Variants in STAU2 observed in about 807,000 individuals in gnomAD.
The protein encoded by STAU2 is staufen double-stranded RNA binding protein 2.
A neutral mutation model predicts 65.9 loss-of-function variants in STAU2; 20 were observed. The ratio of observed to expected loss-of-function variants is 0.30; its 90% CI spans 0.21 to 0.44. The LOEUF (loss-of-function observed/expected upper bound fraction) is 0.44, where lower values mean the gene tolerates loss of function less well. Ranked by LOEUF, STAU2 falls within the 20% of genes least tolerant of loss-of-function variation. The probability of loss-of-function intolerance (pLI) is 1.00; values close to 1 mark genes in which losing one functional copy is unlikely to be tolerated. For missense variants in STAU2, 558 were observed against 683.9 expected (o/e 0.82, Z 2.05); for synonymous variants, 232 against 233.9 (o/e 0.99, Z 0.07).
At chr8:73,714,426 T>C (rs1350608030) in intron 3 of STAU2, among the ~76,000 whole-genome samples, 2 of 152,174 alleles carry the variant, frequency 1.3e-5, no homozygotes, top group Non-Finnish European at 2.9e-5. Context: ...CATAAGGCTG[T>C]CCAAGCAAAA....
chr8:73,438,344 GA>G (rs1339826743), intron 13 of STAU2, among the ~76,000 whole-genome samples: 1 of 152,216 alleles, frequency 6.6e-6, no homozygotes, highest in Non-Finnish European at 1.5e-5. Context: ...GACGGCAGTG[GA>G]ACCAGACAGC....
intron 6 of STAU2, among the ~76,000 whole-genome samples, chr8:73,666,635 A>C (rs1247235187): frequency 6.6e-6 from 1 of 152,238 alleles, no homozygotes; most frequent in Admixed American, 6.5e-5. Flanking sequence ...AGATTGGGCC[A>C]AGAACTGGAT....
chr8:73,565,881 A>G (rs191329513), intron 12 of STAU2, among the ~76,000 whole-genome samples: 246 of 152,340 alleles, frequency 1.6e-3, no homozygotes, highest in African/African-American at 5.7e-3. Context: ...TGATTTCGTT[A>G]TATGTCATTT....
chr8:73,571,463 C>A (rs147909825), intron 12 of STAU2, among the ~76,000 whole-genome samples: 1 of 152,180 alleles, frequency 6.6e-6, no homozygotes, highest in African/African-American at 2.4e-5. Flanking sequence ...AGCACCACAT[C>A]GCACTTATTC....
At chr8:73,721,286 C>A (rs1203697582) in intron 3 of STAU2, among the ~76,000 whole-genome samples, 5 of 57,434 alleles carry the variant, frequency 8.7e-5, no homozygotes, top group East Asian at 8.2e-4. Context: ...AACCCCACCT[C>A]CAAAAAAAAA....
chr8:73,635,908 C>CCACACA (rs756554962), intron 6 of STAU2, among the ~76,000 whole-genome samples: 28 of 74,940 alleles, frequency 3.7e-4, no homozygotes, highest in South Asian at 1.7e-3. Flanking sequence ...GACCCCTGAA[C>CCACACA]CACACACACA....
At chr8:73,467,283 A>G (rs941753233) in intron 13 of STAU2, among the ~76,000 whole-genome samples, 3 of 152,364 alleles carry the variant, frequency 2.0e-5, no homozygotes, top group African/African-American at 7.2e-5. Context: ...CTGTAATCCC[A>G]GCACTTTGGG....
At chr8:73,568,577 A>G (rs1212514462) in intron 12 of STAU2, among the ~76,000 whole-genome samples, 6 of 150,466 alleles carry the variant, frequency 4.0e-5, no homozygotes, top group Non-Finnish European at 7.4e-5. Context: ...CACAACTGAC[A>G]GAATTTTGCT....
intron 3 of STAU2, among the ~76,000 whole-genome samples, chr8:73,717,273 G>T (rs149714108): frequency 2.0e-4 from 30 of 152,168 alleles, no homozygotes; most frequent in African/African-American, 7.2e-4. Flanking sequence ...TTAAAGAGCA[G>T]ATTTTAATAG....
intron 12 of STAU2, among the ~76,000 whole-genome samples, chr8:73,582,302 G>C (rs1043788802): frequency 1.3e-5 from 2 of 151,768 alleles, no homozygotes; most frequent in African/African-American, 4.8e-5. Context: ...GCAATGTTAA[G>C]TGAAAACAAT....
intron 5 of STAU2, among the ~76,000 whole-genome samples, chr8:73,677,716 A>G (rs1043603652): frequency 6.6e-6 from 1 of 152,306 alleles, no homozygotes; most frequent in South Asian, 2.1e-4. Flanking sequence ...CATGTGGTGA[A>G]GTGTTCACAG....
intron 6 of STAU2, among the ~76,000 whole-genome samples, chr8:73,665,515 T>C (rs1296568218): frequency 2.6e-5 from 4 of 152,230 alleles, no homozygotes; most frequent in Admixed American, 2.6e-4. Flanking sequence ...GTTGAACATA[T>C]GAAACTGACA....
intron 14 of STAU2, 128 bp downstream of exon 14, chr8:73,422,486 A>G (rs1433500661): frequency 4.5e-6 from 3 of 670,216 alleles, no homozygotes; most frequent in African/African-American, 1.9e-5. Flanking sequence ...TTTACATTTA[A>G]TTGTATTATT....
At chr8:73,735,858 T>C (rs531874388) in intron 3 of STAU2, among the ~76,000 whole-genome samples, 7 of 152,312 alleles carry the variant, frequency 4.6e-5, no homozygotes, top group African/African-American at 1.4e-4. Flanking sequence ...TTCAATGAAG[T>C]TGGCTAGCAT....
At position 73,478,305 on chromosome 8, in the gene STAU2, TAAA is replaced by T. The variant is rs10660977; in HGVS notation, c.1531-55606_1531-55604del. ...CTAACACTAACGATAACTGATGAGC[TAAA>T]AAAAAAAAAAAAAAAAAAATCGAAA... On this transcript the variant is annotated intron_variant, in intron 13 of 14. Coordinates refer to ENST00000524300, the MANE Select transcript of STAU2 (RefSeq NM_001164380.2). 4.4e-4 allele frequency among the ~76,000 whole-genome samples: 34 copies of T among 77,498 alleles called. 1 individual carries two copies. Among genetic ancestry groups the T allele is most frequent in the African/African-American group, 1.2e-3 (26 of 22,054 alleles). 50.8% of individuals were successfully genotyped at this position (77,498 alleles called of 152,430 possible).
chr8:73,657,941 G>A lies in STAU2; in HGVS notation c.410+15166C>T, dbSNP rs764099506. Among the ~76,000 whole-genome samples the A allele has an allele frequency of 2.2e-4, 34 of 152,228 alleles. No individual in the cohort carries two copies. The Middle Eastern group carries it at 0.017, about 76-fold the overall frequency. On this transcript the variant is annotated intron_variant, in intron 6 of 14. Coordinates refer to ENST00000524300, the MANE Select transcript of STAU2 (RefSeq NM_001164380.2). ...AGGCACAAGGATCGCTTGAACCCAG[G>A]AGGCGGAGGTTGCAGTGAACCAAGA... is the stretch of plus-strand genomic sequence containing the variant.
intron 6 of STAU2, among the ~76,000 whole-genome samples, chr8:73,667,236 T>A (rs950273807): frequency 1.3e-5 from 2 of 152,122 alleles, no homozygotes; most frequent in Non-Finnish European, 2.9e-5. Flanking sequence ...TCTTTATCCC[T>A]TCAAGTTTTA....
chr8:73,690,200 G>C (rs1317330239), intron 4 of STAU2, among the ~76,000 whole-genome samples: 2 of 151,644 alleles, frequency 1.3e-5, no homozygotes, highest in Non-Finnish European at 2.9e-5. Context: ...GTGGTGGCGG[G>C]TGCCTGTAGT....
chr8:73,744,814 T>C (rs1377681592), intron 1 of STAU2, among the ~76,000 whole-genome samples: 1 of 152,226 alleles, frequency 6.6e-6, no homozygotes, highest in Non-Finnish European at 1.5e-5. Context: ...ATACATAAAA[T>C]GTTAACAGGT....
Sources: allele counts gnomAD v4.1 joint callset (sites outside exome capture counted in the v4.1 genomes callset), GRCh38; gene constraint gnomAD v4.1.1; transcripts MANE v1.5; gene names NCBI Gene and HGNC (gene_info 2026-07-23, HGNC 2026-07-21).